The following SRRM3 variants were observed in gnomAD, a reference collection of about 807,000 sequenced individuals.
The protein encoded by SRRM3 is serine/arginine repetitive matrix protein 3.
In SRRM3, 27 loss-of-function variants were observed where a neutral mutation model predicts 66.2. That is an observed-to-expected ratio of 0.41 (90% CI 0.30 to 0.56). The LOEUF (loss-of-function observed/expected upper bound fraction) is 0.56, where lower values mean the gene tolerates loss of function less well. Ranked by LOEUF, SRRM3 falls within the 20% of genes least tolerant of loss-of-function variation. SRRM3 has a pLI of 0.32. For missense variants in SRRM3, 918 were observed against 991.9 expected, an observed-to-expected ratio of 0.93 and a Z score of 1.00; for synonymous variants, 391 against 414.9, an observed-to-expected ratio of 0.94 and a Z score of 0.70.
intron 1 of SRRM3, among the ~76,000 whole-genome samples, chr7:76,208,871 A>AAGGAAGGG (rs1324411679): frequency 3.6e-4 from 52 of 145,300 alleles, no homozygotes; most frequent in African/African-American, 7.7e-4. Context: ...AGAAGAAAGG[A>AAGGAAGGG]AGGAAGGGAG....
chr7:76,234,835 G>T, intron 1 of SRRM3, 193 bp from the exon 2 acceptor site: 1 of 543,346 alleles, frequency 1.8e-6, no homozygotes, highest in Admixed American at 3.6e-5. Context: ...AAAGCCCAGT[G>T]TCCAACCCAC....
At position 76,235,078 on chromosome 7, in the gene SRRM3, C is replaced by T; in HGVS notation, c.12C>T (p.Thr4=). The T allele has an allele frequency of 6.3e-7, 1 of 1,579,130 alleles. No individual in the cohort carries two copies. Among genetic ancestry groups the T allele is most frequent in the Non-Finnish European group, 8.6e-7 (1 of 1,167,412 alleles). ...CAGGGCCAGCCACGATGTCCTCCAC[C>T]GTGAACAACGGGGCGGCCAGCATGC... MSS[T]VNNGAASMQS... is the part of the protein sequence containing the mutation. Residue 4 remains threonine (T), a synonymous_variant, in exon 2 of 15, where the codon ACC becomes ACT. Transcript: ENST00000611745.
intron 1 of SRRM3, among the ~76,000 whole-genome samples, chr7:76,206,312 G>A (rs1451604686): frequency 1.3e-5 from 2 of 152,218 alleles, no homozygotes; most frequent in Non-Finnish European, 2.9e-5. Flanking sequence ...GGGAAGGGAA[G>A]GGAAGGTGTT....
intron 3 of SRRM3, among the ~76,000 whole-genome samples, chr7:76,256,953 G>A (rs573572038): frequency 2.4e-3 from 363 of 151,910 alleles, no homozygotes; most frequent in Non-Finnish European, 4.3e-3. Context: ...CTGGTGATCC[G>A]CCCGCCTCAG....
intron 8 of SRRM3, among the ~76,000 whole-genome samples, chr7:76,262,085 A>C (rs1239951336): frequency 6.7e-6 from 1 of 150,116 alleles, no homozygotes; most frequent in Non-Finnish European, 1.5e-5. Context: ...GCTGGGGGTT[A>C]GTGTGGGGGA....
chr7:76,205,238 C>T (rs1403200585), intron 1 of SRRM3, among the ~76,000 whole-genome samples: 5 of 152,148 alleles, frequency 3.3e-5, no homozygotes, highest in African/African-American at 1.2e-4. Flanking sequence ...GAGACAGAGT[C>T]TCTCTCTGTC....
chr7:76,255,148 C>T lies in SRRM3; in HGVS notation c.336-4758C>T, dbSNP rs6966624. Reference sequence around the variant, plus strand: ...CTTTTCTTTCTTTCTTTCTTTCTTTCTTTTTTTTTTTTTTTTTTTGAGATG... The same window carrying T: ...CTTTTCTTTCTTTCTTTCTTTCTTTTTTTTTTTTTTTTTTTTTTTGAGATG... On this transcript the variant is annotated intron_variant, in intron 3 of 14. Coordinates refer to ENST00000611745, the MANE Select transcript of SRRM3 (RefSeq NM_001110199.3). Among the ~76,000 whole-genome samples the T allele has an allele frequency of 9.6e-3, 795 of 83,130 alleles. 9 individuals carry two copies. Among genetic ancestry groups the T allele is most frequent in the African/African-American group, 0.04 (637 of 15,864 alleles). The allele number at this position is 83,130 out of a possible 152,430, so 54.5% of individuals were successfully genotyped here. A position where few individuals can be genotyped will look rare whatever the true frequency, so the allele number is the denominator to read the frequency against.
At chr7:76,240,887 G>A (rs532851112) in intron 2 of SRRM3, among the ~76,000 whole-genome samples, 3 of 151,666 alleles carry the variant, frequency 2.0e-5, no homozygotes, top group South Asian at 2.1e-4. Context: ...AGCCCTTGAC[G>A]TTGTTTTTTT....
intron 1 of SRRM3, 24 bp from the exon 2 acceptor site, chr7:76,235,004 C>A (rs1303329451): frequency 1.9e-5 from 27 of 1,388,312 alleles, no homozygotes; most frequent in Non-Finnish European, 1.6e-5. Context: ...ACCATCCCGC[C>A]TCGTGTCTGT....
chr7:76,203,369 A>G (rs1328842098), intron 1 of SRRM3, among the ~76,000 whole-genome samples: 3 of 152,240 alleles, frequency 2.0e-5, no homozygotes, highest in African/African-American at 4.8e-5. Flanking sequence ...CAGGTAAGCC[A>G]TTGACCTTTC....
intron 11 of SRRM3, among the ~76,000 whole-genome samples, chr7:76,275,358 TACC>T (rs1802318182): frequency 6.7e-6 from 1 of 150,164 alleles, no homozygotes; most frequent in African/African-American, 2.4e-5. Context: ...GGCGAGGTGG[TACC>T]ACCTGTAGTC....
intron 2 of SRRM3, among the ~76,000 whole-genome samples, chr7:76,246,584 AAG>A (rs1390743999): frequency 6.6e-6 from 1 of 152,176 alleles, no homozygotes; most frequent in South Asian, 2.1e-4. Context: ...AATTAAAAAA[AAG>A]AGAGAAAAGA....
In SRRM3 at chr7:76,286,092, A is replaced by G. The variant is rs1802667063; in HGVS notation, c.*249A>G. ...CCTGTCCACCCACTGTGCCCGGGGAACAAAGAGCCGTTACGAACACAGGAA... is the reference window on the plus strand; with the variant it reads ...CCTGTCCACCCACTGTGCCCGGGGAGCAAAGAGCCGTTACGAACACAGGAA... On this transcript the variant is annotated 3_prime_UTR_variant, in exon 15 of 15. Transcript: ENST00000611745. The G allele has an allele frequency of 7.0e-6, 4 of 572,912 alleles. No homozygotes were observed. The highest frequency in any genetic ancestry group is 6.0e-5 in the East Asian group (2 of 33,488). The allele number at this position is 572,912 out of a possible 1,614,324, so 35.5% of individuals were successfully genotyped here. A position where few individuals can be genotyped will look rare whatever the true frequency, so the allele number is the denominator to read the frequency against.
chr7:76,217,295 G>C (rs1178928714), intron 1 of SRRM3, among the ~76,000 whole-genome samples: 2 of 152,058 alleles, frequency 1.3e-5, no homozygotes, highest in African/African-American at 4.8e-5. Flanking sequence ...GTTTTGTTTT[G>C]TTTTTTGAGA....
In SRRM3 at chr7:76,257,575, C is replaced by T. The variant is rs551229442; in HGVS notation, c.336-2331C>T. Reference sequence around the variant, plus strand: ...GTTGAGGCCAGGAGGTCAAGACCAGCCTGGGCAACATAGTGAGACCCCATC... The same window carrying T: ...GTTGAGGCCAGGAGGTCAAGACCAGTCTGGGCAACATAGTGAGACCCCATC... On this transcript the variant is annotated intron_variant, in intron 3 of 14. Transcript: ENST00000611745. Among the ~76,000 whole-genome samples the T allele has an allele frequency of 3.3e-5, 5 of 151,876 alleles. No homozygotes were observed. In the East Asian group the frequency reaches 7.7e-4, roughly 24 times the overall value.
At chr7:76,257,719 G>A (rs2117049828) in intron 3 of SRRM3, among the ~76,000 whole-genome samples, 1 of 152,060 alleles carries the variant, frequency 6.6e-6, no homozygotes, top group Middle Eastern at 3.4e-3. Context: ...GCTGCAGCGA[G>A]CTGTGATGGC....
At chr7:76,246,244 C>T (rs531743021) in intron 2 of SRRM3, among the ~76,000 whole-genome samples, 2 of 152,266 alleles carry the variant, frequency 1.3e-5, no homozygotes, top group African/African-American at 4.8e-5. Context: ...GTTCCCATTT[C>T]ACAGATGTAG....
Position 76,201,916 on chromosome 7 carries a change from G to T in SRRM3, c.-191G>T, listed in dbSNP as rs1800154573. ...GCGCTGTCCAGCATTTCAGCAAGCG[G>T]CGGCAGCACCCGCGGGGAGGCAGAG... On this transcript the variant is annotated 5_prime_UTR_variant, in exon 1 of 15. Transcript: ENST00000611745. 1 of 152,622 alleles carries T rather than the reference G, an allele frequency of 6.6e-6. No individual in the cohort carries two copies. The highest frequency in any genetic ancestry group is 6.5e-5 in the Admixed American group (1 of 15,290). The allele number at this position is 152,622 out of a possible 1,614,324, so 9.5% of individuals were successfully genotyped here.
In SRRM3 at chr7:76,285,603, T is replaced by C. The variant is rs782374266; in HGVS notation, c.1734-12T>C. 1.5e-5 allele frequency: 23 copies of C among 1,546,064 alleles called. No homozygotes were observed. Among genetic ancestry groups the C allele is most frequent in the Non-Finnish European group, 2.0e-5 (23 of 1,143,956 alleles). ...CTGGGATGGCCTGTAATCAGCTTTT[T>C]CTTCCCGGCAGCGCCCGCAAGCGTC... is the stretch of plus-strand genomic sequence containing the variant. On this transcript the variant is annotated splice_polypyrimidine_tract_variant and intron_variant, in intron 14 of 14. Coordinates refer to ENST00000611745, the MANE Select transcript of SRRM3 (RefSeq NM_001110199.3). This position sits in a 1 kb window ranked among gnomAD's most constrained non-coding sequence, Gnocchi z 4.1.
Sources: allele counts gnomAD v4.1 joint callset (sites outside exome capture counted in the v4.1 genomes callset), GRCh38; gene constraint gnomAD v4.1.1; non-coding constraint Gnocchi (gnomAD v3.1); transcripts MANE v1.5; gene names NCBI Gene and HGNC (gene_info 2026-07-23, HGNC 2026-07-21).